Variants in CACNG2 observed in about 807,000 individuals in gnomAD.
CACNG2 encodes calcium voltage-gated channel auxiliary subunit gamma 2.
In CACNG2, 3 loss-of-function variants were observed where a neutral mutation model predicts 25.9. That is an observed-to-expected ratio of 0.12 (90% CI 0.05 to 0.30). The LOEUF (loss-of-function observed/expected upper bound fraction) is 0.30, where lower values mean the gene tolerates loss of function less well. Ranked by LOEUF, CACNG2 falls within the 10% of genes least tolerant of loss-of-function variation. CACNG2 has a pLI of 1.00. For missense variants in CACNG2, 341 were observed against 432.5 expected, an observed-to-expected ratio of 0.79 and a Z score of 1.88; for synonymous variants, 167 against 173.3, an observed-to-expected ratio of 0.96 and a Z score of 0.29.
At chr22:36,619,426 T>C (rs1017040544) in intron 1 of CACNG2, among the ~76,000 whole-genome samples, 5 of 152,210 alleles carry the variant, frequency 3.3e-5, no homozygotes, top group African/African-American at 9.6e-5. Flanking sequence ...CTAATAAAAG[T>C]CAAATGAACA....
intron 1 of CACNG2, among the ~76,000 whole-genome samples, chr22:36,679,207 T>TTTCC (rs1395067309): frequency 5.5e-5 from 8 of 146,140 alleles, no homozygotes; most frequent in African/African-American, 2.2e-4. Flanking sequence ...CCTTTCTTTC[T>TTTCC]TTCTTTCTTT....
At chr22:36,653,953 AGTGT>A (rs1475043874) in intron 1 of CACNG2, among the ~76,000 whole-genome samples, 2 of 133,976 alleles carry the variant, frequency 1.5e-5, no homozygotes, top group Non-Finnish European at 3.2e-5. Context: ...CGGTAAGTAC[AGTGT>A]GTTTGTGTGT....
chr22:36,639,030 A>G (rs1197034179), intron 1 of CACNG2, among the ~76,000 whole-genome samples: 1 of 152,086 alleles, frequency 6.6e-6, no homozygotes, highest in African/African-American at 2.4e-5. Context: ...CCATTCCCTA[A>G]CTCAGCCGGC....
chr22:36,588,661 T>G (rs1483859991), intron 1 of CACNG2, among the ~76,000 whole-genome samples: 1 of 152,230 alleles, frequency 6.6e-6, no homozygotes, highest in Non-Finnish European at 1.5e-5. Flanking sequence ...CATCACTCAG[T>G]GTCCTCACCT....
intron 1 of CACNG2, among the ~76,000 whole-genome samples, chr22:36,634,137 A>G (rs1412155689): frequency 1.3e-5 from 2 of 152,202 alleles, no homozygotes; most frequent in African/African-American, 2.4e-5. Context: ...TTTGCTTTCT[A>G]TCTTCATGTG....
intron 1 of CACNG2, among the ~76,000 whole-genome samples, chr22:36,640,995 C>T (rs942060193): frequency 2.0e-5 from 3 of 152,116 alleles, no homozygotes; most frequent in African/African-American, 4.8e-5. Context: ...GCTGTTCCCT[C>T]GACCTGGAGT....
In CACNG2 at chr22:36,661,958, T is replaced by C. The variant is rs1417224117; in HGVS notation, c.211+40408A>G. ...ACAGGTTCTGCTTCCTATGGACTCA[T>C]TGCTATTCTTTTTTTTTTTTTTTTT... On this transcript the variant is annotated intron_variant, in intron 1 of 3. Coordinates refer to ENST00000300105, the MANE Select transcript of CACNG2 (RefSeq NM_006078.5). Among the ~76,000 whole-genome samples, 5 of 147,062 alleles carry C rather than the reference T, an allele frequency of 3.4e-5. No homozygotes were observed. The South Asian group carries it at 8.7e-4, about 26-fold the overall frequency.
chr22:36,630,855 G>A (rs1328805599), intron 1 of CACNG2, among the ~76,000 whole-genome samples: 1 of 152,152 alleles, frequency 6.6e-6, no homozygotes, highest in Non-Finnish European at 1.5e-5. Flanking sequence ...TATTGAGACA[G>A]AGTCTTGCTC....
intron 1 of CACNG2, among the ~76,000 whole-genome samples, chr22:36,666,995 T>A (rs1194463774): frequency 6.6e-6 from 1 of 151,740 alleles, no homozygotes; most frequent in East Asian, 1.9e-4. Context: ...ATCACCATTT[T>A]TTTTTTTTTT....
intron 1 of CACNG2, among the ~76,000 whole-genome samples, chr22:36,668,183 C>T (rs1454011317): frequency 6.6e-6 from 1 of 152,220 alleles, no homozygotes; most frequent in Non-Finnish European, 1.5e-5. Context: ...TTGTTTCTGA[C>T]TCCTGGCTGT....
At position 36,652,617 on chromosome 22, in the gene CACNG2, G is replaced by A. The variant is rs547456142; in HGVS notation, c.211+49749C>T. 5.9e-4 allele frequency among the ~76,000 whole-genome samples: 89 copies of A among 152,114 alleles called. 1 individual carries two copies. The highest frequency in any genetic ancestry group is 5.9e-4 in the Non-Finnish European group (40 of 68,002). ...TTTTCTGTGGGTGTTATCATAGTAG[G>A]GACTATATGGTTATCAATGTGCTGT... On this transcript the variant is annotated intron_variant, in intron 1 of 3. Transcript: ENST00000300105.
chr22:36,617,974 C>T (rs542998465), intron 1 of CACNG2, among the ~76,000 whole-genome samples: 1 of 152,112 alleles, frequency 6.6e-6, no homozygotes, highest in Non-Finnish European at 1.5e-5. Flanking sequence ...TTTACCTGGC[C>T]ATGGCAGCTA....
intron 1 of CACNG2, among the ~76,000 whole-genome samples, chr22:36,640,398 G>C (rs1208049184): frequency 2.0e-5 from 3 of 152,208 alleles, no homozygotes; most frequent in Non-Finnish European, 4.4e-5. Context: ...CCTTCTTCCT[G>C]CTCTCTGAGG....
chr22:36,616,383 A>G (rs1488382701), intron 1 of CACNG2, among the ~76,000 whole-genome samples: 2 of 152,198 alleles, frequency 1.3e-5, no homozygotes, highest in African/African-American at 4.8e-5. Flanking sequence ...GATAAGACAT[A>G]TTAAATACCT....
At chr22:36,666,234 GTC>G (rs892251151) in intron 1 of CACNG2, among the ~76,000 whole-genome samples, 4 of 152,110 alleles carry the variant, frequency 2.6e-5, no homozygotes, top group Non-Finnish European at 5.9e-5. Context: ...GTAAGACCTT[GTC>G]TCTACAAATA....
At position 36,605,377 on chromosome 22, in the gene CACNG2, A is replaced by G. The variant is rs1011004483; in HGVS notation, c.212-17829T>C. On this transcript the variant is annotated intron_variant, in intron 1 of 3. Coordinates refer to ENST00000300105, the MANE Select transcript of CACNG2 (RefSeq NM_006078.5). ...GGCATGAGCCACCATGCCCGGCCCC[A>G]ACATAACTTTTATATGCACTAGGAA... 2.0e-5 allele frequency among the ~76,000 whole-genome samples: 3 copies of G among 152,298 alleles called. No individual in the cohort carries two copies. In the East Asian group the frequency reaches 5.8e-4, roughly 29 times the overall value.
At chr22:36,597,735 G>A (rs1307262305) in intron 1 of CACNG2, among the ~76,000 whole-genome samples, 1 of 152,140 alleles carries the variant, frequency 6.6e-6, no homozygotes, top group African/African-American at 2.4e-5. Context: ...AAGCCCCTGG[G>A]GATCACGTTA....
chr22:36,646,566 T>C (rs1341798241), intron 1 of CACNG2, among the ~76,000 whole-genome samples: 1 of 152,206 alleles, frequency 6.6e-6, no homozygotes, highest in Non-Finnish European at 1.5e-5. Context: ...ATTGAGCAGA[T>C]AATTGCCTCC....
At chr22:36,699,698 A>T (rs1251156828) in intron 1 of CACNG2, among the ~76,000 whole-genome samples, 1 of 152,046 alleles carries the variant, frequency 6.6e-6, no homozygotes, top group Non-Finnish European at 1.5e-5. Context: ...ACACAAAAGA[A>T]ACACAAGTTG....
Sources: gnomAD v4.1 joint callset for allele counts (sites outside exome capture counted in the v4.1 genomes callset) on GRCh38, gnomAD v4.1.1 for gene constraint, MANE v1.5 for transcripts, NCBI Gene and HGNC (gene_info 2026-07-23, HGNC 2026-07-21) for gene names.